Variants in CDH18 observed in about 807,000 individuals in gnomAD.
CDH18 encodes cadherin-18.
CDH18 carries 31 observed loss-of-function variants against 67.9 expected under a neutral mutation model. That is an observed-to-expected ratio of 0.46 (90% CI 0.34 to 0.62). The LOEUF (loss-of-function observed/expected upper bound fraction) is 0.62, where lower values mean the gene tolerates loss of function less well. Among genes scored for constraint, CDH18 ranks in the 20% least tolerant of loss-of-function variants. The probability of loss-of-function intolerance (pLI) is 0.01; values close to 1 mark genes in which losing one functional copy is unlikely to be tolerated. For missense variants in CDH18, 890 were observed against 975.5 expected (o/e 0.91, Z 1.17); for synonymous variants, 362 against 347.2 (o/e 1.04, Z -0.48).
At chr5:20,091,238 C>A (rs1178334341) in intron 2 of CDH18, among the ~76,000 whole-genome samples, 2 of 152,004 alleles carry the variant, frequency 1.3e-5, no homozygotes, top group Admixed American at 1.3e-4. Flanking sequence ...GTAATCCCTG[C>A]CCTTTGAGAG....
intron 11 of CDH18, among the ~76,000 whole-genome samples, chr5:19,485,265 T>A (rs576873385): frequency 6.6e-6 from 1 of 151,818 alleles, no homozygotes; most frequent in East Asian, 1.9e-4. Context: ...ATTCTTTTTT[T>A]TTTTTTTTTA....
At chr5:19,966,323 G>C (rs984386199) in intron 2 of CDH18, among the ~76,000 whole-genome samples, 1 of 152,186 alleles carries the variant, frequency 6.6e-6, no homozygotes, top group Non-Finnish European at 1.5e-5. Flanking sequence ...CAATTTCATG[G>C]ATATTAGTTA....
intron 5 of CDH18, among the ~76,000 whole-genome samples, chr5:19,639,206 G>A (rs1362512161): frequency 1.3e-5 from 2 of 151,820 alleles, no homozygotes; most frequent in Admixed American, 1.3e-4. Context: ...GTTTCACCGT[G>A]TTAGCCAGGA....
chr5:20,383,991 A>G (rs1744112842), intron 1 of CDH18, among the ~76,000 whole-genome samples: 1 of 152,174 alleles, frequency 6.6e-6, no homozygotes, highest in Non-Finnish European at 1.5e-5. Flanking sequence ...AATTTTAAAT[A>G]TCAATACTAT....
At chr5:20,440,085 C>T (rs1287184703) in intron 1 of CDH18, among the ~76,000 whole-genome samples, 1 of 151,548 alleles carries the variant, frequency 6.6e-6, no homozygotes, top group Non-Finnish European at 1.5e-5. Flanking sequence ...ATGAGTAAAT[C>T]ATCCATATGC....
chr5:19,528,031 A>G (rs1041397341), intron 9 of CDH18, among the ~76,000 whole-genome samples: 5 of 151,878 alleles, frequency 3.3e-5, no homozygotes, highest in African/African-American at 4.8e-5. Flanking sequence ...AGTTGAAAGT[A>G]ATTACATTGA....
chr5:19,637,556 G>T (rs898170543), intron 5 of CDH18, among the ~76,000 whole-genome samples: 1 of 152,118 alleles, frequency 6.6e-6, no homozygotes, highest in African/African-American at 2.4e-5. Flanking sequence ...TGGGCTTTAT[G>T]TTTGTCTCTG....
At chr5:19,823,084 C>T (rs191708828) in intron 3 of CDH18, among the ~76,000 whole-genome samples, 315 of 152,296 alleles carry the variant, frequency 2.1e-3, no homozygotes, top group African/African-American at 7.2e-3. Context: ...CCTGGCTCAC[C>T]GGCGGTCAGA....
intron 2 of CDH18, among the ~76,000 whole-genome samples, chr5:19,911,869 T>TG (rs1030347239): frequency 6.5e-4 from 99 of 152,354 alleles, no homozygotes; most frequent in African/African-American, 2.3e-3. Context: ...TTAGATAACT[T>TG]GCTTGAGCTT....
intron 2 of CDH18, among the ~76,000 whole-genome samples, chr5:20,100,049 G>A (rs1746324556): frequency 6.6e-6 from 1 of 152,142 alleles, no homozygotes; most frequent in Non-Finnish European, 1.5e-5. Flanking sequence ...GCCTCCTAAA[G>A]TGCTGGGATT....
chr5:20,304,768 G>A, intron 1 of CDH18: 5 of 1,610,936 alleles, frequency 3.1e-6, no homozygotes, highest in Non-Finnish European at 4.2e-6. Context: ...CTGTAATTTT[G>A]TTGAGCCAAC....
chr5:19,568,098 C>T (rs1393035036), intron 8 of CDH18, among the ~76,000 whole-genome samples: 1 of 152,126 alleles, frequency 6.6e-6, no homozygotes, highest in African/African-American at 2.4e-5. Flanking sequence ...GTCAGGTTTT[C>T]TCAACATTAG....
chr5:20,548,627 C>T (rs1406049458), intron 1 of CDH18, among the ~76,000 whole-genome samples: 1 of 152,070 alleles, frequency 6.6e-6, no homozygotes, highest in Non-Finnish European at 1.5e-5. Context: ...GATGTTTGTA[C>T]AGTGAATCTA....
intron 10 of CDH18, among the ~76,000 whole-genome samples, chr5:19,516,386 C>T (rs1287489772): frequency 6.6e-6 from 1 of 152,116 alleles, no homozygotes; most frequent in African/African-American, 2.4e-5. Context: ...GGAGGATTCC[C>T]TCTTTTTCTA....
chr5:20,506,439 G>A (rs1561074988), intron 1 of CDH18, among the ~76,000 whole-genome samples: 1 of 152,216 alleles, frequency 6.6e-6, no homozygotes, highest in Non-Finnish European at 1.5e-5. Flanking sequence ...AACGTAAGTG[G>A]CCTTTAGAGC....
chr5:19,557,834 G>A (rs1220130972), intron 8 of CDH18, among the ~76,000 whole-genome samples: 1 of 152,056 alleles, frequency 6.6e-6, no homozygotes, highest in Non-Finnish European at 1.5e-5. Flanking sequence ...ATCAACTGCA[G>A]AATATTCATT....
intron 1 of CDH18, among the ~76,000 whole-genome samples, chr5:20,421,338 T>C (rs1747841446): frequency 6.7e-6 from 1 of 148,798 alleles, no homozygotes; most frequent in Non-Finnish European, 1.5e-5. Context: ...CTTTTAACCT[T>C]GATGACGATT....
chr5:20,106,184 T>C (rs149519097), intron 2 of CDH18, among the ~76,000 whole-genome samples: 87 of 152,256 alleles, frequency 5.7e-4, no homozygotes, highest in East Asian at 5.8e-4. Flanking sequence ...CCTCCAACTC[T>C]ACGAGTTTCA....
chr5:20,050,123 C>A (rs182171557), intron 2 of CDH18, among the ~76,000 whole-genome samples: 1 of 151,712 alleles, frequency 6.6e-6, no homozygotes, highest in African/African-American at 2.4e-5. Context: ...ATGAGGGTAA[C>A]CCTCCTGACT....
Sources: allele counts gnomAD v4.1 joint callset (sites outside exome capture counted in the v4.1 genomes callset), GRCh38; gene constraint gnomAD v4.1.1; transcripts MANE v1.5; gene names NCBI Gene and HGNC (gene_info 2026-07-23, HGNC 2026-07-21).